Variants in AUTS2 observed in about 807,000 individuals in gnomAD.
AUTS2 encodes the protein autism susceptibility gene 2 protein.
AUTS2 carries 17 observed loss-of-function variants against 112.4 expected under a neutral mutation model. That is an observed-to-expected ratio of 0.15 (90% CI 0.10 to 0.23). The LOEUF is 0.23. Among genes scored for constraint, AUTS2 ranks in the 10% least tolerant of loss-of-function variants. The pLI is 1.00. For missense variants in AUTS2, 1,510 were observed against 1,701.6 expected, an observed-to-expected ratio of 0.89 and a Z score of 1.98; for synonymous variants, 751 against 702.7, an observed-to-expected ratio of 1.07 and a Z score of -1.09.
intron 5 of AUTS2, among the ~76,000 whole-genome samples, chr7:70,695,894 C>T (rs1001322940): frequency 1.3e-5 from 2 of 152,076 alleles, no homozygotes; most frequent in African/African-American, 4.8e-5. Flanking sequence ...CAAAACCGAG[C>T]GAGGGGATGA....
chr7:70,343,124 G>T (rs890643245), intron 4 of AUTS2, among the ~76,000 whole-genome samples: 6 of 152,134 alleles, frequency 3.9e-5, no homozygotes, highest in African/African-American at 1.4e-4. Flanking sequence ...TTTAATTATA[G>T]TTGATTAAAT....
At chr7:69,927,700 C>T (rs1210309404) in intron 2 of AUTS2, among the ~76,000 whole-genome samples, 2 of 152,210 alleles carry the variant, frequency 1.3e-5, no homozygotes, top group Non-Finnish European at 2.9e-5. Context: ...TGCACACAGC[C>T]AGGCTTAACG....
intron 5 of AUTS2, among the ~76,000 whole-genome samples, chr7:70,489,109 GATACATTGAGACCCCAA>G (rs1204183760): frequency 3.3e-5 from 5 of 152,128 alleles, no homozygotes; most frequent in Admixed American, 2.0e-4. Context: ...AAAAAACACA[GATACATTGAGACCCCAA>G]AGCAACTCAT....
At chr7:69,775,081 A>G (rs1244673869) in intron 1 of AUTS2, among the ~76,000 whole-genome samples, 1 of 152,182 alleles carries the variant, frequency 6.6e-6, no homozygotes, top group Non-Finnish European at 1.5e-5. Flanking sequence ...TTTATTGGGT[A>G]GTGTTGTGAA....
chr7:70,308,728 G>A (rs928779495), intron 4 of AUTS2, among the ~76,000 whole-genome samples: 2 of 152,074 alleles, frequency 1.3e-5, no homozygotes, highest in Admixed American at 6.6e-5. Flanking sequence ...TGTACCACAC[G>A]GCACAAGTAT....
intron 4 of AUTS2, among the ~76,000 whole-genome samples, chr7:70,369,591 C>T (rs1408634717): frequency 5.9e-5 from 9 of 151,830 alleles, no homozygotes; most frequent in Admixed American, 2.0e-4. Flanking sequence ...AGGAGAGTGG[C>T]CAGAAAGAAG....
chr7:70,278,309 T>G (rs528384826), intron 4 of AUTS2, among the ~76,000 whole-genome samples: 1 of 152,304 alleles, frequency 6.6e-6, no homozygotes, highest in South Asian at 2.1e-4. Context: ...CTTGGCACAG[T>G]GGCTCACGCC....
intron 1 of AUTS2, among the ~76,000 whole-genome samples, chr7:69,873,306 G>C (rs1048740354): frequency 6.6e-6 from 1 of 152,098 alleles, no homozygotes; most frequent in Non-Finnish European, 1.5e-5. Context: ...ATAGGAGCTG[G>C]GAAATTTAGT....
chr7:70,621,995 C>G (rs1464708726), intron 5 of AUTS2, among the ~76,000 whole-genome samples: 1 of 151,580 alleles, frequency 6.6e-6, no homozygotes, highest in Admixed American at 6.6e-5. Flanking sequence ...TACAGGTGTG[C>G]GTCACGACAC....
chr7:70,068,464 G>A (rs1009222487), intron 2 of AUTS2, among the ~76,000 whole-genome samples: 44 of 152,026 alleles, frequency 2.9e-4, no homozygotes, highest in African/African-American at 1.0e-3. Context: ...GATTACAGGC[G>A]TGAGCCACTG....
chr7:70,023,241 G>A (rs1418447702), intron 2 of AUTS2, among the ~76,000 whole-genome samples: 1 of 152,158 alleles, frequency 6.6e-6, no homozygotes, highest in East Asian at 1.9e-4. Context: ...TAATCAATTG[G>A]CCAAACAGGG....
intron 2 of AUTS2, among the ~76,000 whole-genome samples, chr7:69,981,985 TA>T (rs1798313454): frequency 6.6e-6 from 1 of 152,212 alleles, no homozygotes; most frequent in African/African-American, 2.4e-5. Context: ...GAACTTTACC[TA>T]CTGTCTTATT....
At chr7:70,364,264 C>CT (rs1208015563) in intron 4 of AUTS2, among the ~76,000 whole-genome samples, 5 of 151,238 alleles carry the variant, frequency 3.3e-5, no homozygotes, top group Non-Finnish European at 5.9e-5. Flanking sequence ...TAAATAGAAG[C>CT]TTAAAAAAAA....
At chr7:70,571,092 G>A (rs1206892718) in intron 5 of AUTS2, among the ~76,000 whole-genome samples, 5 of 152,178 alleles carry the variant, frequency 3.3e-5, no homozygotes, top group African/African-American at 1.2e-4. Context: ...TGTAGGACGA[G>A]TGCATGAATA....
At chr7:69,767,069 G>C (rs1273075009) in intron 1 of AUTS2, among the ~76,000 whole-genome samples, 1 of 152,196 alleles carries the variant, frequency 6.6e-6, no homozygotes, top group African/African-American at 2.4e-5. Flanking sequence ...ATGTGCGCAC[G>C]TTTGTACGTG....
intron 2 of AUTS2, among the ~76,000 whole-genome samples, chr7:69,913,834 G>C (rs1414902493): frequency 6.6e-6 from 1 of 151,992 alleles, no homozygotes; most frequent in African/African-American, 2.4e-5. Flanking sequence ...CTTGCTTACT[G>C]GCTCCAGCTC....
At chr7:70,303,735 A>G (rs777706435) in intron 4 of AUTS2, among the ~76,000 whole-genome samples, 6 of 152,118 alleles carry the variant, frequency 3.9e-5, no homozygotes, top group Non-Finnish European at 8.8e-5. Context: ...AATCTGCATT[A>G]TACATGTTCC....
At chr7:70,266,412 G>A (rs1009544956) in intron 4 of AUTS2, among the ~76,000 whole-genome samples, 1 of 152,134 alleles carries the variant, frequency 6.6e-6, no homozygotes, top group East Asian at 1.9e-4. Flanking sequence ...TCCTTTGGGG[G>A]TGATGAAATG....
At chr7:70,457,240 T>C (rs1796777060) in intron 5 of AUTS2, among the ~76,000 whole-genome samples, 1 of 152,168 alleles carries the variant, frequency 6.6e-6, no homozygotes, top group Non-Finnish European at 1.5e-5. Context: ...GGCCTCAGTT[T>C]TCCCACCTGT....
Sources: allele counts gnomAD v4.1 joint callset (sites outside exome capture counted in the v4.1 genomes callset), GRCh38; gene constraint gnomAD v4.1.1; transcripts MANE v1.5; gene names NCBI Gene and HGNC (gene_info 2026-07-23, HGNC 2026-07-21).